Variants in NF1 observed in about 807,000 individuals in gnomAD.
The protein encoded by NF1 is neurofibromin.
NF1 carries 122 observed loss-of-function variants against 325.7 expected under a neutral mutation model. The observed-to-expected ratio is 0.37, with a 90% CI of 0.32 to 0.44. The LOEUF (loss-of-function observed/expected upper bound fraction) is 0.44. Ranked by LOEUF, NF1 falls within the 20% of genes least tolerant of loss-of-function variation. NF1 has a pLI of 1.00. For missense variants in NF1, 2,140 were observed against 3,415.4 expected, an observed-to-expected ratio of 0.63 and a Z score of 9.31; for synonymous variants, 1,091 against 1,186.0, an observed-to-expected ratio of 0.92 and a Z score of 1.65.
chr17:31,229,414 A>G lies in NF1; in HGVS notation c.2799A>G (p.Leu933=), dbSNP rs1597715783. ...LELSPALYPM[L]FNKLKNTISK... Reference sequence around the variant, plus strand: ...TGAGTCCTGCTCTGTATCCAATGCTATTTAACAAATTGAAGAATACCATCA... The same window carrying G: ...TGAGTCCTGCTCTGTATCCAATGCTGTTTAACAAATTGAAGAATACCATCA... Residue 933 remains leucine, a synonymous_variant, in exon 21 of 58, where the codon CTA becomes CTG. Transcript: ENST00000358273. 6.2e-7 allele frequency: 1 copy of G among 1,613,910 alleles called. No homozygotes were observed. Among genetic ancestry groups the G allele is most frequent in the Non-Finnish European group, 8.5e-7 (1 of 1,179,810 alleles).
intron 5 of NF1, among the ~76,000 whole-genome samples, chr17:31,170,232 A>G (rs1380814788): frequency 6.6e-6 from 1 of 152,214 alleles, no homozygotes; most frequent in Non-Finnish European, 1.5e-5. Flanking sequence ...TTGCTTAACT[A>G]CAATTTTTGT....
Position 31,229,969 on chromosome 17 carries a change from G to A in NF1, c.2985G>A (p.Leu995=), listed in dbSNP as rs17881467. Residue 995 remains leucine, a synonymous_variant, in exon 22 of 58, where the codon CTG becomes CTA. Transcript: ENST00000358273. ...QASIETMMLN[L]VRYVRVLGNM... is the part of the protein sequence containing the mutation. ...GCATTGAAACAATGATGTTAAATCT[G>A]GTCAGGTAAGCATTCTACTGAAATG... 1 of 1,611,672 alleles carries A rather than the reference G, an allele frequency of 6.2e-7. No homozygotes were observed. Among genetic ancestry groups the A allele is most frequent in the Non-Finnish European group, 8.5e-7 (1 of 1,179,684 alleles).
At position 31,296,116 on chromosome 17, in the gene NF1, G is replaced by T. The variant is rs761829832; in HGVS notation, c.4836-29704G>T. On this transcript the variant is annotated intron_variant, in intron 36 of 57. Transcript: ENST00000358273. ...TCAGATTGGTATATTGGGTTAACTG[G>T]TTATGCAGATCAGTAAAGTGGTTAT... 4 of 1,611,490 alleles carry T rather than the reference G, an allele frequency of 2.5e-6. No individual in the cohort carries two copies. In the Admixed American group the frequency reaches 6.7e-5, roughly 27 times the overall value.
At chr17:31,366,074 A>G (rs576272874) in intron 57 of NF1, among the ~76,000 whole-genome samples, 1 of 151,688 alleles carries the variant, frequency 6.6e-6, no homozygotes, top group African/African-American at 2.4e-5. Context: ...AGCTGGCACT[A>G]CAGGCACCCA....
intron 36 of NF1, chr17:31,305,068 G>A (rs1276250535): frequency 1.5e-5 from 24 of 1,614,162 alleles, no homozygotes; most frequent in Non-Finnish European, 2.0e-5. Flanking sequence ...AAATCCTGGT[G>A]TACTCCTAGG....
chr17:31,328,163 T>C (rs1238233095), intron 38 of NF1, among the ~76,000 whole-genome samples: 1 of 152,226 alleles, frequency 6.6e-6, no homozygotes, highest in Non-Finnish European at 1.5e-5. Context: ...TTCAGAAGTA[T>C]ATCACTATTT....
chr17:31,323,589 G>A (rs1396400461), intron 36 of NF1, among the ~76,000 whole-genome samples: 1 of 152,080 alleles, frequency 6.6e-6, no homozygotes, highest in African/African-American at 2.4e-5. Flanking sequence ...GGGCAGTTAT[G>A]GTCTCTCCAC....
chr17:31,372,741 T>A (rs1474183648), intron 57 of NF1, among the ~76,000 whole-genome samples: 1 of 152,118 alleles, frequency 6.6e-6, no homozygotes. Flanking sequence ...TGGGGTGGGG[T>A]GCAGTGGCTC....
chr17:31,211,103 A>G (rs1170657459), intron 12 of NF1, among the ~76,000 whole-genome samples: 1 of 152,204 alleles, frequency 6.6e-6, no homozygotes, highest in Non-Finnish European at 1.5e-5. Flanking sequence ...GTCTAAATTA[A>G]CAAGTGGTTT....
At chr17:31,288,619 C>G (rs2068288368) in intron 36 of NF1, among the ~76,000 whole-genome samples, 1 of 151,040 alleles carries the variant, frequency 6.6e-6, no homozygotes, top group Admixed American at 6.6e-5. Flanking sequence ...TTACTGCAAC[C>G]TCCGCCTCCC....
intron 1 of NF1, among the ~76,000 whole-genome samples, chr17:31,155,100 G>A (rs889691421): frequency 2.6e-5 from 4 of 152,020 alleles, no homozygotes; most frequent in Middle Eastern, 3.4e-3. Context: ...CATGCCCCTC[G>A]GTCTCTTTCC....
At chr17:31,137,303 A>G (rs544240042) in intron 1 of NF1, 11 of 152,222 alleles carry the variant, frequency 7.2e-5, no homozygotes, top group Non-Finnish European at 1.5e-4. Context: ...CTGGAACTAC[A>G]ATTAGATGTA....
At chr17:31,135,351 CTT>C (rs1295633821) in intron 1 of NF1, among the ~76,000 whole-genome samples, 5 of 152,094 alleles carry the variant, frequency 3.3e-5, no homozygotes, top group East Asian at 3.9e-4. Context: ...CCAGTTTTCT[CTT>C]GTTTCTATTT....
At chr17:31,373,345 C>T (rs1481473277) in intron 57 of NF1, among the ~76,000 whole-genome samples, 1 of 152,092 alleles carries the variant, frequency 6.6e-6, no homozygotes, top group East Asian at 1.9e-4. Flanking sequence ...AGAAGATGAC[C>T]TCTGCTGGAA....
intron 36 of NF1, chr17:31,296,376 A>T (rs766631658): frequency 1.2e-6 from 2 of 1,611,880 alleles, no homozygotes; most frequent in Non-Finnish European, 1.7e-6. Context: ...TAATATGCAA[A>T]TACAGTTTAG....
intron 11 of NF1, among the ~76,000 whole-genome samples, chr17:31,203,405 A>G (rs2066565145): frequency 6.6e-6 from 1 of 152,240 alleles, no homozygotes; most frequent in Non-Finnish European, 1.5e-5. Flanking sequence ...ATTAGTTCAA[A>G]GTATCTTTTT....
chr17:31,295,209 G>C lies in NF1; in HGVS notation c.4835+29870G>C. On this transcript the variant is annotated intron_variant, in intron 36 of 57. Coordinates refer to ENST00000358273, the MANE Select transcript of NF1 (RefSeq NM_001042492.3). ...GTGATACTTAGGGTCATGGGTGTTGGGGATGATTTTGTTGAGCTAGTGAGG... is the reference window on the plus strand; with the variant it reads ...GTGATACTTAGGGTCATGGGTGTTGCGGATGATTTTGTTGAGCTAGTGAGG... 1.2e-6 allele frequency: 2 copies of C among 1,614,100 alleles called. No homozygotes were observed. The highest frequency in any genetic ancestry group is 1.7e-6 in the Non-Finnish European group (2 of 1,180,004).
intron 36 of NF1, chr17:31,272,706 C>T (rs72815614): frequency 0.081 from 12,362 of 152,142 alleles, 685 homozygotes; most frequent in Non-Finnish European, 0.12. Context: ...AGTTTGTCCC[C>T]GGAATGTTAA....
chr17:31,124,518 G>GTT (rs533674111), intron 1 of NF1, among the ~76,000 whole-genome samples: 13 of 106,700 alleles, frequency 1.2e-4, no homozygotes, highest in Non-Finnish European at 2.1e-4. Flanking sequence ...TGTTTTCAGG[G>GTT]TTTTTTTTTT....
Sources: allele counts gnomAD v4.1 joint callset (sites outside exome capture counted in the v4.1 genomes callset), GRCh38; gene constraint gnomAD v4.1.1; transcripts MANE v1.5; gene names NCBI Gene and HGNC (gene_info 2026-07-23, HGNC 2026-07-21).